Variants in TMEM25 observed in about 807,000 individuals in gnomAD.
TMEM25 encodes the protein 0610039J01Rik.
In TMEM25, 36 loss-of-function variants were observed where a neutral mutation model predicts 37.0. The observed-to-expected ratio is 0.97, with a 90% CI of 0.75 to 1.28. The LOEUF (loss-of-function observed/expected upper bound fraction) is 1.28. Ranked by LOEUF, TMEM25 falls within the 50% of genes most tolerant of loss-of-function variation. TMEM25 has a pLI of 0.00. For synonymous variants in TMEM25, 197 were observed against 203.7 expected, an observed-to-expected ratio of 0.97 and a Z score of 0.28; for missense variants, 444 against 477.9, an observed-to-expected ratio of 0.93 and a Z score of 0.66.
chr11:118,540,440 C>T (rs1555065065), downstream of TMEM25, among the ~76,000 whole-genome samples: 1 of 152,242 alleles, frequency 6.6e-6, no homozygotes, highest in East Asian at 1.9e-4. Context: ...AGCCAGAGGG[C>T]CTTGCTGTCA....
In TMEM25 at chr11:118,545,398, G is replaced by A. The variant is rs782303717; in HGVS notation, c.1028-721G>A. ...TCTACAGCTTAAGTCAACCCCTGAT[G>A]CTTGGCTCACCTGTGAGTTCTTGAA... On this transcript the variant is annotated intron_variant, in intron 8 of 8. Transcript: ENST00000354284. 1.9e-6 allele frequency: 3 copies of A among 1,590,944 alleles called. No homozygotes were observed. The South Asian group carries it at 3.3e-5, about 18-fold the overall frequency.
At chr11:118,545,561 T>C in intron 8 of TMEM25, 1 of 1,357,828 alleles carries the variant, frequency 7.4e-7, no homozygotes, top group Non-Finnish European at 1.1e-6. Context: ...CCCTTCTGTC[T>C]AGCACAGGCA....
At chr11:118,541,582 A>T (rs1057010605) in intron 8 of TMEM25, among the ~76,000 whole-genome samples, 135 of 152,184 alleles carry the variant, frequency 8.9e-4, no homozygotes, top group African/African-American at 2.5e-3. Context: ...AAATTTTTTA[A>T]AAAAAATTCA....
At chr11:118,539,271 G>A (rs1244051687), downstream of TMEM25, among the ~76,000 whole-genome samples, 1 of 149,316 alleles carries the variant, frequency 6.7e-6, no homozygotes, top group Admixed American at 6.8e-5. Context: ...GGGTTCAAGC[G>A]ATTCTCCTGC....
intron 1 of TMEM25, chr11:118,531,484 AG>A (rs1951262180): frequency 5.7e-6 from 3 of 522,512 alleles, no homozygotes; most frequent in Non-Finnish European, 1.0e-5. Context: ...CGTGTGTGCA[AG>A]GTGTGGTTGC....
chr11:118,546,281 T>A, exon 9 of TMEM25: 1 of 656,954 alleles, frequency 1.5e-6, no homozygotes, highest in Non-Finnish European at 2.8e-6. Context: ...GCAGATCGCC[T>A]GAGCCTAGGA....
chr11:118,535,680 A>G lies in TMEM25; in HGVS notation c.*1100A>G. ...ACATACCCCAAAGTGACCTAAGAAC[A>G]CTTTAAAAAGCAACATGTAAATGAT... On this transcript the variant is annotated 3_prime_UTR_variant, in exon 9 of 9. Transcript: ENST00000313236. 1.3e-5 allele frequency: 19 copies of G among 1,473,490 alleles called. No homozygotes were observed. The highest frequency in any genetic ancestry group is 1.6e-5 in the Non-Finnish European group (18 of 1,112,196). The allele number at this position is 1,473,490 out of a possible 1,614,324, so 91.3% of individuals were successfully genotyped here. A position where few individuals can be genotyped will look rare whatever the true frequency, so the allele number is the denominator to read the frequency against.
chr11:118,533,268 A>G, intron 4 of TMEM25, 61 bp downstream of exon 4: 2 of 1,557,718 alleles, frequency 1.3e-6, no homozygotes, highest in Non-Finnish European at 1.7e-6. Context: ...TCCCGTCCCC[A>G]TACAGAAATG....
chr11:118,532,066 C>A, intron 2 of TMEM25, 84 bp from the exon 3 acceptor site: 1 of 1,431,038 alleles, frequency 7.0e-7, no homozygotes. Context: ...TGGCCTGCTG[C>A]TCTTCTCACT....
At position 118,535,415 on chromosome 11, in the gene TMEM25, G is replaced by T. The variant is rs1206133805; in HGVS notation, c.*835G>T. On this transcript the variant is annotated 3_prime_UTR_variant, in exon 9 of 9. Transcript: ENST00000313236. Reference sequence around the variant, plus strand: ...CCCTAGGGGAGGGGGTGAGTGAGGGGCCCAGAGCCCTCTTTGTGGCTTCCC... The same window carrying T: ...CCCTAGGGGAGGGGGTGAGTGAGGGTCCCAGAGCCCTCTTTGTGGCTTCCC... 3 of 1,457,530 alleles carry T rather than the reference G, an allele frequency of 2.1e-6. No individual in the cohort carries two copies. The highest frequency in any genetic ancestry group is 1.4e-5 in the African/African-American group (1 of 70,632). The allele number at this position is 1,457,530 out of a possible 1,614,324, so 90.3% of individuals were successfully genotyped here.
intron 4 of TMEM25, 59 bp downstream of exon 4, chr11:118,533,266 C>A: frequency 6.4e-7 from 1 of 1,557,720 alleles, no homozygotes; most frequent in South Asian, 1.2e-5. Flanking sequence ...GGTCCCGTCC[C>A]CATACAGAAA....
In TMEM25 at chr11:118,535,702, T is replaced by C. The variant is rs1490125515; in HGVS notation, c.*1122T>C. The C allele has an allele frequency of 6.9e-7, 1 of 1,451,152 alleles. No homozygotes were observed. The highest frequency in any genetic ancestry group is 1.4e-5 in the African/African-American group (1 of 70,104). 89.9% of individuals were successfully genotyped at this position (1,451,152 alleles called of 1,614,324 possible). ...AACACTTTAAAAAGCAACATGTAAA[T>C]GATTGGAAATTAATATAGTACAGAA... On this transcript the variant is annotated 3_prime_UTR_variant, in exon 9 of 9. Coordinates refer to ENST00000313236, the MANE Select transcript of TMEM25 (RefSeq NM_032780.4).
intron 2 of TMEM25, 53 bp from the exon 3 acceptor site, chr11:118,532,097 C>A: frequency 6.8e-7 from 1 of 1,477,946 alleles, no homozygotes. Context: ...CTGGTCACAG[C>A]ACAGTACCAA....
rs200206996 is a variant in TMEM25, at chr11:118,542,611, A to AT, written c.1028-3508_1028-3507insT. 6.4e-4 allele frequency among the ~76,000 whole-genome samples: 97 copies of AT among 152,164 alleles called. 1 individual carries two copies. The East Asian group carries it at 0.013, about 20-fold the overall frequency. On this transcript the variant is annotated intron_variant, in intron 8 of 8. Coordinates refer to the TMEM25 transcript ENST00000354284. Reference sequence around the variant, plus strand: ...TAACAAGAACTTGTCTCTACAAAAAAATATATATATAAAAATTAAGCCTGG... The same window carrying AT: ...TAACAAGAACTTGTCTCTACAAAAAATATATATATATAAAAATTAAGCCTGG...
At position 118,531,227 on chromosome 11, in the gene TMEM25, G is replaced by A; in HGVS notation, c.-35G>A. 4.7e-6 allele frequency: 2 copies of A among 429,012 alleles called. No individual in the cohort carries two copies. Among genetic ancestry groups the A allele is most frequent in the Non-Finnish European group, 8.4e-6 (2 of 238,600 alleles). 26.6% of individuals were successfully genotyped at this position (429,012 alleles called of 1,614,324 possible). Reference sequence around the variant, plus strand: ...AGTTGCTCCGGCGGCGCTCGGGGAGGGAGCCAGGTGAGCCGCCCCGGTGGC... The same window carrying A: ...AGTTGCTCCGGCGGCGCTCGGGGAGAGAGCCAGGTGAGCCGCCCCGGTGGC... On this transcript the variant is annotated 5_prime_UTR_variant, in exon 1 of 9. Coordinates refer to ENST00000313236, the MANE Select transcript of TMEM25 (RefSeq NM_032780.4).
At chr11:118,545,892 T>C (rs1158857067) in intron 8 of TMEM25, 2 of 1,583,774 alleles carry the variant, frequency 1.3e-6, no homozygotes, top group Non-Finnish European at 1.7e-6. Flanking sequence ...AAAAGGATGG[T>C]GTCAGTGGTC....
chr11:118,546,283 A>G, exon 9 of TMEM25: 1 of 649,366 alleles, frequency 1.5e-6, no homozygotes. Flanking sequence ...AGATCGCCTG[A>G]GCCTAGGAGT....
intron 8 of TMEM25, chr11:118,544,609 AAAAGGAC>A (rs1951630908): frequency 3.2e-6 from 1 of 310,594 alleles, no homozygotes; most frequent in Non-Finnish European, 5.9e-6. Flanking sequence ...CCCTCTCACA[AAAAGGAC>A]ATCTTTTAAG....
At chr11:118,531,259 C>A in intron 1 of TMEM25, 25 bp downstream of exon 1, 1 of 376,708 alleles carries the variant, frequency 2.7e-6, no homozygotes, top group Non-Finnish European at 4.9e-6. Flanking sequence ...TGGCGGGGGG[C>A]GGGGGCGGGA....
Sources: gnomAD v4.1 joint callset for allele counts (sites outside exome capture counted in the v4.1 genomes callset) on GRCh38, gnomAD v4.1.1 for gene constraint, MANE v1.5 for transcripts, NCBI Gene and HGNC (gene_info 2026-07-23, HGNC 2026-07-21) for gene names.